The following NFATC3 variants were observed in gnomAD, a reference collection of about 807,000 sequenced individuals.
The protein encoded by NFATC3 is nuclear factor of activated T-cells, cytoplasmic 3.
NFATC3 carries 46 observed loss-of-function variants against 98.6 expected under a neutral mutation model. The ratio of observed to expected loss-of-function variants is 0.47; its 90% CI spans 0.37 to 0.60. NFATC3 has a LOEUF of 0.60. Ranked by LOEUF, NFATC3 falls within the 20% of genes least tolerant of loss-of-function variation. The pLI, the probability that NFATC3 is intolerant of heterozygous loss-of-function variation, is 0.00. For synonymous variants in NFATC3, 512 were observed against 472.2 expected, an observed-to-expected ratio of 1.08 and a Z score of -1.09; for missense variants, 1,256 against 1,295.5, an observed-to-expected ratio of 0.97 and a Z score of 0.47.
chr16:68,180,307 G>A (rs1002351643), intron 6 of NFATC3, among the ~76,000 whole-genome samples: 2 of 152,092 alleles, frequency 1.3e-5, no homozygotes, highest in Non-Finnish European at 2.9e-5. Context: ...AAGGAATAAT[G>A]TTTAGCCTAG....
intron 1 of NFATC3, among the ~76,000 whole-genome samples, chr16:68,106,493 T>A (rs62057364): frequency 9.1e-4 from 138 of 152,156 alleles, no homozygotes; most frequent in Non-Finnish European, 1.6e-3. Context: ...GGTTTCTCCC[T>A]GTTGTCCAGG....
At chr16:68,159,459 T>C (rs2038783406) in intron 4 of NFATC3, among the ~76,000 whole-genome samples, 1 of 151,266 alleles carries the variant, frequency 6.6e-6, no homozygotes, top group Non-Finnish European at 1.5e-5. Flanking sequence ...AGTCTCGCTC[T>C]GTGGCCCAGG....
chr16:68,205,151 G>GTA (rs2041092375), intron 9 of NFATC3, among the ~76,000 whole-genome samples: 1 of 152,126 alleles, frequency 6.6e-6, no homozygotes, highest in Non-Finnish European at 1.5e-5. Flanking sequence ...CAAGAGTGTG[G>GTA]TACAGATTAA....
intron 4 of NFATC3, among the ~76,000 whole-genome samples, chr16:68,163,415 G>A (rs1179565997): frequency 1.3e-5 from 2 of 149,602 alleles, no homozygotes; most frequent in African/African-American, 4.9e-5. Flanking sequence ...CGGGCAGAGG[G>A]GCTTCTCACT....
intron 1 of NFATC3, among the ~76,000 whole-genome samples, chr16:68,100,297 G>A (rs992858977): frequency 4.3e-4 from 65 of 152,188 alleles, no homozygotes; most frequent in African/African-American, 1.5e-3. Context: ...AACTGCCAGG[G>A]TGTGGTGGCT....
intron 2 of NFATC3, among the ~76,000 whole-genome samples, chr16:68,123,936 A>T (rs1598403023): frequency 6.6e-6 from 1 of 151,810 alleles, no homozygotes; most frequent in Admixed American, 6.6e-5. Context: ...GTGAGCTGAG[A>T]TTATGCCACT....
intron 5 of NFATC3, 141 bp from the exon 6 acceptor site, chr16:68,174,233 C>G (rs184158019): frequency 9.5e-4 from 501 of 526,028 alleles, no homozygotes; most frequent in African/African-American, 8.1e-3. Context: ...TTGCCATTGT[C>G]TTGAATTTTA....
At chr16:68,098,974 T>G (rs548287675) in intron 1 of NFATC3, among the ~76,000 whole-genome samples, 14 of 152,358 alleles carry the variant, frequency 9.2e-5, no homozygotes, top group African/African-American at 2.9e-4. Flanking sequence ...GATAACATCT[T>G]GCATAACTAT....
intron 3 of NFATC3, among the ~76,000 whole-genome samples, chr16:68,145,247 C>G (rs558800213): frequency 6.6e-6 from 1 of 151,950 alleles, no homozygotes; most frequent in African/African-American, 2.4e-5. Context: ...AGGCCCAAGC[C>G]GTCCTCCAAT....
At chr16:68,093,978 C>G (rs1860871150) in intron 1 of NFATC3, among the ~76,000 whole-genome samples, 2 of 152,146 alleles carry the variant, frequency 1.3e-5, no homozygotes, top group Non-Finnish European at 2.9e-5. Context: ...GCTTTGGGCT[C>G]AAAATAGCTA....
chr16:68,218,514 C>CA lies in NFATC3; in HGVS notation c.3107-7817dup, dbSNP rs1326968858. 6.9e-3 allele frequency among the ~76,000 whole-genome samples: 408 copies of CA among 59,280 alleles called. 3 individuals carry two copies. The highest frequency in any genetic ancestry group is 0.023 in the Middle Eastern group (2 of 86). The allele number at this position is 59,280 out of a possible 152,430, so 38.9% of individuals were successfully genotyped here. A position where few individuals can be genotyped will look rare whatever the true frequency, so the allele number is the denominator to read the frequency against. The stretch of plus-strand genomic sequence containing the variant: ...CCTGGGCGACAGAATGAGAGCCTCT[C>CA]AAAAAAAAAAAAAAAAAAAGGTGAA... On this transcript the variant is annotated intron_variant, in intron 9 of 9. Coordinates refer to ENST00000346183, the MANE Select transcript of NFATC3 (RefSeq NM_173165.3).
At chr16:68,110,261 T>A (rs1207607560) in intron 1 of NFATC3, among the ~76,000 whole-genome samples, 2 of 151,720 alleles carry the variant, frequency 1.3e-5, no homozygotes, top group Non-Finnish European at 2.9e-5. Context: ...TGCCTTGGCC[T>A]CCCAAAGTGC....
In NFATC3 at chr16:68,163,930, G is replaced by T. The variant is rs367712575; in HGVS notation, c.1602-2913G>T. 1.5e-4 allele frequency among the ~76,000 whole-genome samples: 22 copies of T among 151,376 alleles called. No homozygotes were observed. The East Asian group carries it at 2.2e-3, about 15-fold the overall frequency. ...CTCACTTTCCAGACTGGGCAGCCAG[G>T]CAGAGGGGCTCTTCACGTCCCAGAC... is the stretch of plus-strand genomic sequence containing the variant. On this transcript the variant is annotated intron_variant, in intron 4 of 9. Transcript: ENST00000346183.
chr16:68,108,544 T>G (rs1056951449), intron 1 of NFATC3, among the ~76,000 whole-genome samples: 2 of 152,218 alleles, frequency 1.3e-5, no homozygotes, highest in Non-Finnish European at 2.9e-5. Flanking sequence ...TGCTTAAGAT[T>G]GTTTTAGCTA....
chr16:68,085,524 G>C lies in NFATC3; in HGVS notation c.-158G>C. 1.7e-6 allele frequency: 1 copy of C among 589,170 alleles called. No individual in the cohort carries two copies. Among genetic ancestry groups the C allele is most frequent in the Non-Finnish European group, 2.7e-6 (1 of 364,424 alleles). The allele number at this position is 589,170 out of a possible 1,614,324, so 36.5% of individuals were successfully genotyped here. ...GCGCGGCCAGCTTTCGGAACGGAAC[G>C]CTCGGCGTCGCGGGCCCCGCCCGGA... On this transcript the variant is annotated 5_prime_UTR_variant, in exon 1 of 10. Transcript: ENST00000346183.
rs1291536692 is a variant in NFATC3, at chr16:68,228,315, A to G, written c.*1844A>G. On this transcript the variant is annotated 3_prime_UTR_variant, in exon 10 of 10. Transcript: ENST00000346183. ...CTTCTGGGCCTGTGGTTGGACGCCC[A>G]CAGCTTCCTTTGGAGGGGCAAGAAG... The G allele has an allele frequency of 1.3e-5, 2 of 152,156 alleles. No homozygotes were observed. Among genetic ancestry groups the G allele is most frequent in the Non-Finnish European group, 2.9e-5 (2 of 68,018 alleles). 9.4% of individuals were successfully genotyped at this position (152,156 alleles called of 1,614,324 possible). A position where few individuals can be genotyped will look rare whatever the true frequency, so the allele number is the denominator to read the frequency against.
chr16:68,138,890 T>C (rs2037596805), intron 3 of NFATC3: 1 of 742,472 alleles, frequency 1.3e-6, no homozygotes, highest in Non-Finnish European at 1.8e-6. Context: ...GGTTGAATCC[T>C]GGATTTTACT....
At chr16:68,195,740 G>A (rs1018442544) in intron 9 of NFATC3, among the ~76,000 whole-genome samples, 14 of 152,062 alleles carry the variant, frequency 9.2e-5, no homozygotes, top group African/African-American at 1.9e-4. Context: ...CCCAAGAGGC[G>A]GAGCTTGCAG....
At chr16:68,103,468 C>T (rs1388597731) in intron 1 of NFATC3, among the ~76,000 whole-genome samples, 1 of 152,202 alleles carries the variant, frequency 6.6e-6, no homozygotes, top group Non-Finnish European at 1.5e-5. Context: ...CCTCAGCCTC[C>T]CAAAGGGTTG....
Sources: allele counts gnomAD v4.1 joint callset (sites outside exome capture counted in the v4.1 genomes callset), GRCh38; gene constraint gnomAD v4.1.1; transcripts MANE v1.5; gene names NCBI Gene and HGNC (gene_info 2026-07-23, HGNC 2026-07-21).